Variants in PCDH11X observed in about 807,000 individuals in gnomAD.
PCDH11X encodes the protein protocadherin 11 X-linked, also known as protocadherin-11 X-linked.
PCDH11X carries 18 observed loss-of-function variants against 53.3 expected under a neutral mutation model. That is an observed-to-expected ratio of 0.34 (90% CI 0.23 to 0.50). The LOEUF is 0.50. Among genes scored for constraint, PCDH11X ranks in the 20% least tolerant of loss-of-function variants. The pLI is 0.98. For missense variants in PCDH11X, 570 were observed against 1,032.4 expected, an observed-to-expected ratio of 0.55 and a Z score of 6.14; for synonymous variants, 279 against 393.3, an observed-to-expected ratio of 0.71 and a Z score of 3.44.
chrX:92,597,514 G>GAA (rs1262058650), intron 10 of PCDH11X, among the ~76,000 whole-genome samples: 1 of 111,072 alleles, frequency 9.0e-6, no homozygotes, highest in Non-Finnish European at 1.9e-5. Context: ...AAACACTGAC[G>GAA]AAAAAAATTT....
chrX:92,474,850 G>A (rs2073341717), intron 10 of PCDH11X, among the ~76,000 whole-genome samples: 1 of 109,308 alleles, frequency 9.1e-6, no homozygotes, highest in Non-Finnish European at 1.9e-5. Context: ...ATTGGTTCCT[G>A]TTTTAATATT....
intron 8 of PCDH11X, among the ~76,000 whole-genome samples, chrX:92,374,013 T>C (rs1167681119): frequency 9.1e-6 from 1 of 109,744 alleles, no homozygotes. Flanking sequence ...TGCTTGTAGA[T>C]GTTGCACTAC....
At chrX:92,276,769 G>A (rs1371085889) in intron 8 of PCDH11X, among the ~76,000 whole-genome samples, 5 of 111,976 alleles carry the variant, frequency 4.5e-5, no homozygotes, top group South Asian at 7.5e-4. Context: ...GTAATAAAAT[G>A]TATATTGAGA....
At chrX:91,894,705 C>T (rs1235909593) in intron 6 of PCDH11X, among the ~76,000 whole-genome samples, 1 of 111,279 alleles carries the variant, frequency 9.0e-6, no homozygotes, top group Admixed American at 9.6e-5. Flanking sequence ...TTTCAAATTT[C>T]ATGGTCCATT....
rs1277934481 is a variant in PCDH11X at position 91,851,729 on chromosome X, T to C, written c.540+15685T>C. On this transcript the variant is annotated intron_variant, in intron 5 of 10. Transcript: ENST00000682573. Reference sequence around the variant, plus strand: ...TTCTGTAGTCAGGTGGTCTGATCGTTAGACTAATTGGATTTACATAAACCC... The same window carrying C: ...TTCTGTAGTCAGGTGGTCTGATCGTCAGACTAATTGGATTTACATAAACCC... 4.5e-5 allele frequency among the ~76,000 whole-genome samples: 5 copies of C among 111,956 alleles called. No individual in the cohort carries two copies. In the East Asian group the frequency reaches 1.4e-3, roughly 32 times the overall value.
rs766177099 is a variant in PCDH11X, at chrX:92,237,628, T to A, written c.3115-25486T>A. Among the ~76,000 whole-genome samples, 40 of 111,360 alleles carry A rather than the reference T, an allele frequency of 3.6e-4. No individual in the cohort carries two copies. In the South Asian group the frequency reaches 6.4e-3, roughly 18 times the overall value. On this transcript the variant is annotated intron_variant, in intron 7 of 10. Transcript: ENST00000682573. ...TACAGGGATATAATTTCAAAAGAAG[T>A]CATAAATTCCCTTTAGGAGATTATC...
chrX:91,963,125 T>G (rs764612348), intron 6 of PCDH11X, among the ~76,000 whole-genome samples: 117 of 112,218 alleles, frequency 1.0e-3, no homozygotes, highest in Non-Finnish European at 1.7e-3. Context: ...AAATTCCTGC[T>G]GCCAGCTTGA....
At chrX:91,892,410 C>T (rs1445504535) in intron 6 of PCDH11X, among the ~76,000 whole-genome samples, 1 of 108,911 alleles carries the variant, frequency 9.2e-6, no homozygotes, top group East Asian at 2.9e-4. Context: ...CCTCATTGCA[C>T]ATAGAATAAA....
intron 6 of PCDH11X, among the ~76,000 whole-genome samples, chrX:91,939,047 T>C (rs2061478558): frequency 9.0e-6 from 1 of 110,895 alleles, no homozygotes. Flanking sequence ...CAACAGAAAC[T>C]GAGAGCTGAC....
At chrX:92,313,571 GTTTA>G (rs2069003370) in intron 8 of PCDH11X, among the ~76,000 whole-genome samples, 1 of 109,365 alleles carries the variant, frequency 9.1e-6, no homozygotes, top group Non-Finnish European at 1.9e-5. Context: ...TGTTGTGCAG[GTTTA>G]TTAAGTACAG....
intron 6 of PCDH11X, among the ~76,000 whole-genome samples, chrX:92,131,971 C>A (rs1466622507): frequency 8.3e-5 from 9 of 108,747 alleles, no homozygotes; most frequent in African/African-American, 2.7e-4. Flanking sequence ...GCTTTTTTAG[C>A]TTTTAATATT....
Position 92,173,549 on chromosome X carries a change from C to G in PCDH11X, c.3034-27826C>G, listed in dbSNP as rs149271631. Among the ~76,000 whole-genome samples, 526 of 109,257 alleles carry G rather than the reference C, an allele frequency of 4.8e-3. 2 individuals are homozygous for G. The highest frequency in any genetic ancestry group is 0.017 in the African/African-American group (499 of 30,013). 94.9% of individuals were successfully genotyped at this position (109,257 alleles called of 115,157 possible). ...GGTCACATATTATTGATGACTTCAA[C>G]ATACACCAGAGAAACAGTCACATAG... On this transcript the variant is annotated intron_variant, in intron 6 of 10. Coordinates refer to ENST00000682573, the MANE Select transcript of PCDH11X (RefSeq NM_032968.5).
rs759342208 is a variant in PCDH11X at position 92,516,908 on chromosome X, C to T, written c.3367+48586C>T. 1.3e-3 allele frequency among the ~76,000 whole-genome samples: 149 copies of T among 112,295 alleles called. No individual in the cohort carries two copies. The Middle Eastern group carries it at 0.018, about 14-fold the overall frequency. On this transcript the variant is annotated intron_variant, in intron 10 of 10. Coordinates refer to ENST00000682573, the MANE Select transcript of PCDH11X (RefSeq NM_032968.5). ...GACCATTGTAGAGAAAAGGGACTGA[C>T]CTGGCAAGAGAAATGTAAGATAAGG...
At chrX:92,382,607 C>T (rs142959461) in intron 8 of PCDH11X, among the ~76,000 whole-genome samples, 1,876 of 111,432 alleles carry the variant, frequency 0.017, 39 homozygotes, top group African/African-American at 0.057. Flanking sequence ...ATGTGAATGA[C>T]ACCAATATAA....
chrX:91,821,153 C>A (rs989149299), intron 4 of PCDH11X, among the ~76,000 whole-genome samples: 1 of 107,075 alleles, frequency 9.3e-6, no homozygotes, highest in African/African-American at 3.7e-5. Flanking sequence ...CTTGGCGATG[C>A]GGGCTCTTTT....
At chrX:91,860,443 G>A (rs1938597748) in intron 5 of PCDH11X, among the ~76,000 whole-genome samples, 1 of 108,031 alleles carries the variant, frequency 9.3e-6, no homozygotes, top group South Asian at 4.2e-4. Context: ...TTCTATTTGA[G>A]TATATTTTAT....
chrX:92,418,647 AG>A (rs2071875398), intron 9 of PCDH11X, among the ~76,000 whole-genome samples: 1 of 108,780 alleles, frequency 9.2e-6, no homozygotes, highest in Non-Finnish European at 1.9e-5. Flanking sequence ...GCTGGAGTGT[AG>A]TGGTACGATC....
Position 91,779,392 on chromosome X carries a change from G to C in PCDH11X, c.-671G>C, listed in dbSNP as rs879088161. On this transcript the variant is annotated 5_prime_UTR_variant, in exon 1 of 11. Transcript: ENST00000682573. ...GGCTCCTTGCAGTCGGCGAACTGTC[G>C]GGGCGGGAGGAGCCGTGAGCAGTAG... The C allele has an allele frequency of 5.4e-5, 6 of 110,384 alleles. No individual in the cohort carries two copies. Among genetic ancestry groups the C allele is most frequent in the Non-Finnish European group, 1.1e-4 (6 of 52,725 alleles). The allele number at this position is 110,384 out of a possible 1,213,427, so 9.1% of individuals were successfully genotyped here.
intron 1 of PCDH11X, among the ~76,000 whole-genome samples, chrX:91,789,217 A>AAG (rs1935448514): frequency 2.0e-5 from 2 of 98,975 alleles, no homozygotes; most frequent in African/African-American, 7.3e-5. Context: ...AAAAAAAAAA[A>AAG]AAAAAAGAAA....
Sources: gnomAD v4.1 joint callset for allele counts (sites outside exome capture counted in the v4.1 genomes callset) on GRCh38, gnomAD v4.1.1 for gene constraint, MANE v1.5 for transcripts, NCBI Gene and HGNC (gene_info 2026-07-23, HGNC 2026-07-21) for gene names.